Variants in ZNF841 observed in about 807,000 individuals in gnomAD.
ZNF841 encodes zinc finger protein 841.
In ZNF841, 11 loss-of-function variants were observed where a neutral mutation model predicts 13.0. That is an observed-to-expected ratio of 0.85 (90% CI 0.53 to 1.40). ZNF841 has a LOEUF of 1.40. Among genes scored for constraint, ZNF841 ranks in the 40% most tolerant of loss-of-function variants. The pLI is 0.00. For synonymous variants in ZNF841, 369 were observed against 381.6 expected, an observed-to-expected ratio of 0.97 and a Z score of 0.38; for missense variants, 1,068 against 1,139.5, an observed-to-expected ratio of 0.94 and a Z score of 0.90.
rs748140613 is a variant in ZNF841, at chr19:52,065,889, G to A, written c.1993C>T (p.Arg665Cys). 157 of 1,613,992 alleles carry A rather than the reference G, an allele frequency of 9.7e-5. No homozygotes were observed. Among genetic ancestry groups the A allele is most frequent in the Non-Finnish European group, 1.2e-4 (139 of 1,180,014 alleles). ...ACCAGATGTTTAGTGAGGCTTGAAC[G>A]CTGAGTATAGGCTTTGCCACAATCA... ...CNDCGKAYTQ[R>C]SSLTKHLVIH... Residue 665 changes from arginine (R) to cysteine (C), a missense_variant, in exon 7 of 7, where the codon CGT becomes TGT. Coordinates refer to ENST00000594440, the MANE Select transcript of ZNF841 (RefSeq NM_001136499.2).
downstream of ZNF841, among the ~76,000 whole-genome samples, chr19:52,061,543 C>A (rs376915727): frequency 3.3e-5 from 5 of 151,964 alleles, no homozygotes; most frequent in African/African-American, 7.2e-5. Context: ...TGATCCCCCC[C>A]ACTCTTACTT....
chr19:52,081,842 A>G (rs2088109183), intron 4 of ZNF841, among the ~76,000 whole-genome samples: 1 of 152,084 alleles, frequency 6.6e-6, no homozygotes, highest in Non-Finnish European at 1.5e-5. Context: ...AAAGAGTGAA[A>G]CCCTGCCTGA....
At chr19:52,091,424 T>A (rs1322833257) in intron 2 of ZNF841, among the ~76,000 whole-genome samples, 1 of 152,218 alleles carries the variant, frequency 6.6e-6, no homozygotes, top group African/African-American at 2.4e-5. Context: ...AGAGGCATCA[T>A]ACTTTCTGAT....
intron 2 of ZNF841, among the ~76,000 whole-genome samples, chr19:52,091,827 C>T (rs2088507179): frequency 6.6e-6 from 1 of 152,134 alleles, no homozygotes; most frequent in African/African-American, 2.4e-5. Context: ...GGTGGGACTA[C>T]ATCAAACTAA....
At chr19:52,084,670 G>A (rs1290081746) in intron 4 of ZNF841, 117 bp downstream of exon 4, 6 of 1,088,390 alleles carry the variant, frequency 5.5e-6, no homozygotes, top group Non-Finnish European at 8.2e-6. Flanking sequence ...AGGCATGGGT[G>A]AGTGCGAGCA....
At chr19:52,093,021 C>T (rs1199910530) in intron 2 of ZNF841, among the ~76,000 whole-genome samples, 3 of 152,090 alleles carry the variant, frequency 2.0e-5, no homozygotes, top group Non-Finnish European at 2.9e-5. Context: ...GAGGCTGAGG[C>T]AGGAGAATCA....
At chr19:52,073,672 G>T (rs1479955887) in intron 6 of ZNF841, among the ~76,000 whole-genome samples, 1 of 152,090 alleles carries the variant, frequency 6.6e-6, no homozygotes, top group East Asian at 1.9e-4. Flanking sequence ...AAATATATAG[G>T]TTTTATAAAT....
At chr19:52,059,370 A>AAATAT in the ZNF841 span, among the ~76,000 whole-genome samples, 5 of 69,648 alleles carry the variant, frequency 7.2e-5, no homozygotes, top group Admixed American at 4.2e-4. Flanking sequence ...AAAAAAAAAA[A>AAATAT]ATATATATAT....
In ZNF841 at chr19:52,066,182, T is replaced by C. The variant is rs1467141961; in HGVS notation, c.1700A>G (p.Lys567Arg). 6.2e-7 allele frequency: 1 copy of C among 1,613,794 alleles called. No individual in the cohort carries two copies. The highest frequency in any genetic ancestry group is 1.1e-5 in the South Asian group (1 of 91,076). ...SVHMRCHTGEKPLHCNKCGMV... is the reference protein window; with the variant it reads ...SVHMRCHTGERPLHCNKCGMV... ...GCCACATTTATTACAATGGAGAGGT[T>C]TCTCTCCAGTATGACATCTCATATG... The change falls in exon 7 of 7, where the codon AAA becomes AGA. Residue 567 changes from lysine (K) to arginine (R), a missense_variant. Lys to Arg is a conservative substitution (Grantham distance 26). Coordinates refer to ENST00000594440, the MANE Select transcript of ZNF841 (RefSeq NM_001136499.2).
At chr19:52,071,742 A>G (rs1431366794) in intron 6 of ZNF841, among the ~76,000 whole-genome samples, 1 of 146,132 alleles carries the variant, frequency 6.8e-6, no homozygotes, top group African/African-American at 2.8e-5. Flanking sequence ...CTATTTCAGG[A>G]AAAAAAAATC....
chr19:52,090,661 A>AAG (rs2088450506), intron 2 of ZNF841, among the ~76,000 whole-genome samples: 1 of 126,598 alleles, frequency 7.9e-6, no homozygotes, highest in Admixed American at 8.1e-5. Context: ...GAAGGAAAGA[A>AAG]AGAAAGAAAG....
In ZNF841 at chr19:52,065,096, G is replaced by T; in HGVS notation, c.*11C>A. 6.7e-7 allele frequency: 1 copy of T among 1,489,248 alleles called. No individual in the cohort carries two copies. The allele number at this position is 1,489,248 out of a possible 1,614,324, so 92.3% of individuals were successfully genotyped here. A position where few individuals can be genotyped will look rare whatever the true frequency, so the allele number is the denominator to read the frequency against. On this transcript the variant is annotated 3_prime_UTR_variant, in exon 7 of 7. Coordinates refer to ENST00000594440, the MANE Select transcript of ZNF841 (RefSeq NM_001136499.2). Reference sequence around the variant, plus strand: ...AAGGACAAATATACAAGCTATATGAGTAAGTATAAATTATTTGGGGATCCC... The same window carrying T: ...AAGGACAAATATACAAGCTATATGATTAAGTATAAATTATTTGGGGATCCC...
At position 52,067,139 on chromosome 19, in the gene ZNF841, G is replaced by A. The variant is rs575837906; in HGVS notation, c.743C>T (p.Pro248Leu). The stretch of plus-strand genomic sequence containing the variant: ...AATATGTGTTTTCTCGTCTTGTGTA[G>A]GTAACGAAAGTTGCAAAAAATCATT... Reference protein sequence around the residue: ...YGNDFLQLSLPTQDEKTHIRE... With the variant: ...YGNDFLQLSLLTQDEKTHIRE... Residue 248 changes from proline (P) to leucine (L), a missense_variant, in exon 7 of 7, where the codon CCT (proline) becomes CTT (leucine). Coordinates refer to ENST00000594440, the MANE Select transcript of ZNF841 (RefSeq NM_001136499.2). 1 of 1,558,426 alleles carries A rather than the reference G, an allele frequency of 6.4e-7. No homozygotes were observed. Among genetic ancestry groups the A allele is most frequent in the Non-Finnish European group, 8.7e-7 (1 of 1,150,086 alleles).
intron 3 of ZNF841, 64 bp downstream of exon 3, chr19:52,088,873 T>G (rs1038235485): frequency 6.6e-6 from 1 of 152,338 alleles, no homozygotes; most frequent in Admixed American, 6.5e-5. Flanking sequence ...ATGCTGGAAG[T>G]GCTCCCAAGA....
intron 2 of ZNF841, among the ~76,000 whole-genome samples, chr19:52,091,587 A>G (rs2088498753): frequency 6.6e-6 from 1 of 152,264 alleles, no homozygotes; most frequent in Non-Finnish European, 1.5e-5. Flanking sequence ...CAATGAGGAA[A>G]GGACAGTCTC....
At chr19:52,089,453 G>T (rs954094023) in intron 2 of ZNF841, among the ~76,000 whole-genome samples, 13 of 151,900 alleles carry the variant, frequency 8.6e-5, no homozygotes, top group African/African-American at 3.1e-4. Context: ...GACCAGACTG[G>T]GCAACATGGC....
intron 4 of ZNF841, among the ~76,000 whole-genome samples, chr19:52,079,430 G>GT (rs1208032761): frequency 1.5e-5 from 1 of 67,798 alleles, no homozygotes; most frequent in Admixed American, 1.6e-4. Flanking sequence ...AAGGAAATCT[G>GT]TAAAAAAAAA....
chr19:52,087,709 G>A (rs1027564784), intron 3 of ZNF841, among the ~76,000 whole-genome samples: 6 of 152,146 alleles, frequency 3.9e-5, no homozygotes, highest in Non-Finnish European at 5.9e-5. Flanking sequence ...AGAGAGGCCC[G>A]GCGCGGTGGC....
At chr19:52,090,611 A>AAAAGAAAG (rs200379352) in intron 2 of ZNF841, among the ~76,000 whole-genome samples, 8 of 129,602 alleles carry the variant, frequency 6.2e-5, no homozygotes, top group Non-Finnish European at 1.1e-4. Flanking sequence ...GTCTCTTAAA[A>AAAAGAAAG]AAAGAAAGAA....
Sources: allele counts gnomAD v4.1 joint callset (sites outside exome capture counted in the v4.1 genomes callset), GRCh38; gene constraint gnomAD v4.1.1; transcripts MANE v1.5; gene names NCBI Gene and HGNC (gene_info 2026-07-23, HGNC 2026-07-21).